CARMIL1: variants seen among roughly 807,000 people sequenced by gnomAD.
CARMIL1 encodes capping protein regulator and myosin 1 linker 1, also known as F-actin-uncapping protein LRRC16A.
CARMIL1 carries 90 observed loss-of-function variants against 177.1 expected under a neutral mutation model. That is an observed-to-expected ratio of 0.51 (90% CI 0.43 to 0.61). The LOEUF (loss-of-function observed/expected upper bound fraction) is 0.61, where lower values mean the gene tolerates loss of function less well. Ranked by LOEUF, CARMIL1 falls within the 20% of genes least tolerant of loss-of-function variation. CARMIL1 has a pLI of 0.00. For missense variants in CARMIL1, 1,380 were observed against 1,667.0 expected, an observed-to-expected ratio of 0.83 and a Z score of 3.00; for synonymous variants, 577 against 606.2, an observed-to-expected ratio of 0.95 and a Z score of 0.71.
chr6:25,581,189 T>C, intron 30 of CARMIL1, 54 bp from the exon 31 acceptor site: 1 of 1,517,224 alleles, frequency 6.6e-7, no homozygotes, highest in Non-Finnish European at 9.0e-7. Flanking sequence ...TCCATCTCTA[T>C]GCATTAAGCT....
At chr6:25,385,143 T>C (rs1472110053) in intron 2 of CARMIL1, among the ~76,000 whole-genome samples, 2 of 152,218 alleles carry the variant, frequency 1.3e-5, no homozygotes, top group Admixed American at 6.5e-5. Flanking sequence ...GTACAACTTA[T>C]CAGGAGAACC....
intron 2 of CARMIL1, among the ~76,000 whole-genome samples, chr6:25,338,955 T>C (rs1983583): frequency 0.43 from 65,021 of 151,816 alleles, 14,108 homozygotes; most frequent in African/African-American, 0.51. Flanking sequence ...CCTATGAGGG[T>C]CCCTAAAGGC....
chr6:25,500,947 A>G (rs1804257279), intron 17 of CARMIL1, among the ~76,000 whole-genome samples: 1 of 151,518 alleles, frequency 6.6e-6, no homozygotes, highest in African/African-American at 2.4e-5. Context: ...TATTTTTAGT[A>G]GAGACGGGGT....
At chr6:25,613,727 T>C (rs1452925378) in intron 36 of CARMIL1, among the ~76,000 whole-genome samples, 1 of 152,236 alleles carries the variant, frequency 6.6e-6, no homozygotes, top group Non-Finnish European at 1.5e-5. Context: ...GAAATCTTAG[T>C]ATCTGTAAGG....
At chr6:25,378,889 T>TAAA (rs34179371) in intron 2 of CARMIL1, among the ~76,000 whole-genome samples, 4 of 146,098 alleles carry the variant, frequency 2.7e-5, no homozygotes, top group African/African-American at 5.0e-5. Context: ...TCTTGGGGAT[T>TAAA]AAAAAAAAAA....
At chr6:25,345,946 A>C (rs568247279) in intron 2 of CARMIL1, among the ~76,000 whole-genome samples, 1 of 152,238 alleles carries the variant, frequency 6.6e-6, no homozygotes, top group Non-Finnish European at 1.5e-5. Flanking sequence ...TCTTTCTCAC[A>C]TACCCCATCA....
At chr6:25,410,660 G>T (rs1444582066) in intron 2 of CARMIL1, among the ~76,000 whole-genome samples, 9 of 152,298 alleles carry the variant, frequency 5.9e-5, no homozygotes, top group Non-Finnish European at 1.2e-4. Flanking sequence ...TAGGGTGGAA[G>T]ATTGGAGTCA....
chr6:25,556,158 G>T (rs1369350544), intron 28 of CARMIL1, among the ~76,000 whole-genome samples: 1 of 152,124 alleles, frequency 6.6e-6, no homozygotes, highest in African/African-American at 2.4e-5. Context: ...AAAGTTCCTG[G>T]TGTCAGATCA....
At chr6:25,471,142 A>G (rs1314778624) in intron 9 of CARMIL1, 27 bp from the exon 10 acceptor site, 1 of 1,459,626 alleles carries the variant, frequency 6.9e-7, no homozygotes, top group Non-Finnish European at 9.5e-7. Flanking sequence ...GAGTTATGGA[A>G]TAGTCAAAGA....
At chr6:25,429,967 T>G (rs1255845694) in intron 4 of CARMIL1, among the ~76,000 whole-genome samples, 1 of 151,898 alleles carries the variant, frequency 6.6e-6, no homozygotes, top group East Asian at 1.9e-4. Flanking sequence ...TGCCTCAGCC[T>G]CCCGAATAGC....
intron 30 of CARMIL1, 105 bp from the exon 31 acceptor site, chr6:25,581,138 T>C (rs79588470): frequency 0.051 from 65,665 of 1,283,192 alleles, 2,004 homozygotes; most frequent in Non-Finnish European, 0.061. Flanking sequence ...GTGTGTTTGC[T>C]ATTCTATGCT....
intron 13 of CARMIL1, among the ~76,000 whole-genome samples, chr6:25,489,762 A>G (rs1224809768): frequency 1.3e-5 from 2 of 152,134 alleles, no homozygotes; most frequent in Non-Finnish European, 2.9e-5. Context: ...TGAACTTAAA[A>G]TTATTTAAAT....
At position 25,606,014 on chromosome 6, in the gene CARMIL1, T is replaced by C. The variant is rs765443885; in HGVS notation, c.3635-47T>C. 3.4e-5 allele frequency: 47 copies of C among 1,386,816 alleles called. No homozygotes were observed. In the Middle Eastern group the frequency reaches 9.1e-4, roughly 27 times the overall value. 85.9% of individuals were successfully genotyped at this position (1,386,816 alleles called of 1,614,324 possible). A position where few individuals can be genotyped will look rare whatever the true frequency, so the allele number is the denominator to read the frequency against. On this transcript the variant is annotated intron_variant, in intron 34 of 36. Coordinates refer to ENST00000329474, the MANE Select transcript of CARMIL1 (RefSeq NM_017640.6). The stretch of plus-strand genomic sequence containing the variant: ...GTACCAGACTTCTAGCTTCAAGTTA[T>C]TGGCTTCTTTGACCTTTGATTTTTA...
intron 2 of CARMIL1, among the ~76,000 whole-genome samples, chr6:25,341,346 T>C (rs991903424): frequency 1.5e-4 from 23 of 152,192 alleles, no homozygotes; most frequent in African/African-American, 5.6e-4. Flanking sequence ...TATTTGCATC[T>C]GAGTGGAACT....
chr6:25,572,195 G>A (rs1287388410), intron 29 of CARMIL1, among the ~76,000 whole-genome samples: 9 of 151,812 alleles, frequency 5.9e-5, no homozygotes, highest in Admixed American at 5.2e-4. Flanking sequence ...TTTTTTTTCT[G>A]TGTTTGTGTT....
chr6:25,515,795 G>T lies in CARMIL1; in HGVS notation c.1753G>T (p.Asp585Tyr). The T allele has an allele frequency of 6.2e-7, 1 of 1,611,806 alleles. No individual in the cohort carries two copies. The highest frequency in any genetic ancestry group is 8.5e-7 in the Non-Finnish European group (1 of 1,179,092). Reference protein sequence around the residue: ...KVDISGNGMGDMGAKMLAKAL... With the variant: ...KVDISGNGMGYMGAKMLAKAL... ...GGACATTAGCGGCAACGGAATGGGG[G>T]ACATGGGAGCGAAGATGCTGGCCAA... Residue 585 changes from aspartate to tyrosine, a missense_variant, in exon 21 of 37, where the codon GAC becomes TAC. Asp to Tyr is a radical substitution (Grantham distance 160). Coordinates refer to ENST00000329474, the MANE Select transcript of CARMIL1 (RefSeq NM_017640.6). The surrounding 1 kb of genome is among the most constrained non-coding windows in gnomAD (Gnocchi z 5.0).
In CARMIL1 at chr6:25,327,564, A is replaced by C. The variant is rs940474699; in HGVS notation, c.138+42655A>C. ...TGATTTCACTGGCTCCCCTCCGGCTACTATTTGCTGTGCACAAACAAAGTC... is the reference window on the plus strand; with the variant it reads ...TGATTTCACTGGCTCCCCTCCGGCTCCTATTTGCTGTGCACAAACAAAGTC... On this transcript the variant is annotated intron_variant, in intron 2 of 36. Transcript: ENST00000329474. 2.0e-5 allele frequency among the ~76,000 whole-genome samples: 3 copies of C among 152,348 alleles called. No individual in the cohort carries two copies. The East Asian group carries it at 5.8e-4, about 29-fold the overall frequency.
At chr6:25,602,557 T>C (rs1354789573) in intron 33 of CARMIL1, among the ~76,000 whole-genome samples, 1 of 152,236 alleles carries the variant, frequency 6.6e-6, no homozygotes, top group Non-Finnish European at 1.5e-5. Flanking sequence ...TACACAGTAT[T>C]AATGATCTGT....
At chr6:25,502,484 G>A (rs1804486428) in intron 17 of CARMIL1, among the ~76,000 whole-genome samples, 2 of 151,534 alleles carry the variant, frequency 1.3e-5, no homozygotes, top group Admixed American at 6.6e-5. Context: ...AACCTGGGAG[G>A]CGGAGGTTGC....
Sources: allele counts gnomAD v4.1 joint callset (sites outside exome capture counted in the v4.1 genomes callset), GRCh38; gene constraint gnomAD v4.1.1; non-coding constraint Gnocchi (gnomAD v3.1); transcripts MANE v1.5; gene names NCBI Gene and HGNC (gene_info 2026-07-23, HGNC 2026-07-21).